The following CLTA variants were observed in gnomAD, a reference collection of about 807,000 sequenced individuals.
The protein encoded by CLTA is clathrin light chain A, also known as clathrin, light polypeptide (Lca).
A neutral mutation model predicts 26.9 loss-of-function variants in CLTA; 9 were observed. The ratio of observed to expected loss-of-function variants is 0.33; its 90% confidence interval spans 0.20 to 0.58. CLTA has a LOEUF of 0.58. Ranked by LOEUF, CLTA falls within the 20% of genes least tolerant of loss-of-function variation. CLTA has a pLI of 0.85. For synonymous variants in CLTA, 120 were observed against 115.5 expected (o/e 1.04, Z -0.25); for missense variants, 278 against 294.2 (o/e 0.94, Z 0.40).
At chr9:36,198,771 G>C (rs1170034619) in intron 2 of CLTA, among the ~76,000 whole-genome samples, 1 of 151,138 alleles carries the variant, frequency 6.6e-6, no homozygotes, top group Admixed American at 6.6e-5. Flanking sequence ...TACTCGGGAG[G>C]CTGAGGCAGG....
intron 3 of CLTA, among the ~76,000 whole-genome samples, chr9:36,203,275 T>G (rs1827526804): frequency 6.6e-6 from 1 of 152,244 alleles, no homozygotes; most frequent in Non-Finnish European, 1.5e-5. Context: ...GTATGCATTT[T>G]CTTGCTGTCA....
chr9:36,203,280 C>T (rs1827526982), intron 3 of CLTA, among the ~76,000 whole-genome samples: 1 of 152,154 alleles, frequency 6.6e-6, no homozygotes, highest in Non-Finnish European at 1.5e-5. Flanking sequence ...CATTTTCTTG[C>T]TGTCATTTCT....
chr9:36,191,287 C>G lies in CLTA; in HGVS notation c.217+14C>G. ...CGGGGGGTCCGGGTGAGAGTGCGGG[C>G]GCGTTTGGGGCGAGAGGACTTGTCT... On this transcript the variant is annotated intron_variant, in intron 1 of 4. Transcript: ENST00000345519. 2.0e-6 allele frequency: 3 copies of G among 1,503,860 alleles called. No homozygotes were observed. The highest frequency in any genetic ancestry group is 2.6e-6 in the Non-Finnish European group (3 of 1,134,000). The allele number at this position is 1,503,860 out of a possible 1,614,324, so 93.2% of individuals were successfully genotyped here.
chr9:36,190,988 G>T lies in CLTA; in HGVS notation c.-69G>T. On this transcript the variant is annotated 5_prime_UTR_variant, in exon 1 of 5. Coordinates refer to ENST00000345519, the MANE Select transcript of CLTA (RefSeq NM_001833.4). ...AGTCGGCACCACAGCGGTGGCTGCC[G>T]GGCGTGGTGTCGGTGGGTCGGTTGG... is the stretch of plus-strand genomic sequence containing the variant. 6.8e-7 allele frequency: 1 copy of T among 1,464,116 alleles called. No individual in the cohort carries two copies. The highest frequency in any genetic ancestry group is 1.4e-5 in the South Asian group (1 of 70,186). 90.7% of individuals were successfully genotyped at this position (1,464,116 alleles called of 1,614,324 possible).
chr9:36,207,263 C>A (rs970134542), intron 4 of CLTA, among the ~76,000 whole-genome samples: 1 of 152,222 alleles, frequency 6.6e-6, no homozygotes, highest in African/African-American at 2.4e-5. Context: ...TCAGTGACAG[C>A]CATGGAAAAG....
At chr9:36,191,463 T>C (rs1000188470) in intron 1 of CLTA, among the ~76,000 whole-genome samples, 190 bp downstream of exon 1, 2 of 152,200 alleles carry the variant, frequency 1.3e-5, no homozygotes, top group African/African-American at 4.8e-5. Flanking sequence ...GTTCTCAGCA[T>C]GTTTGAGTGC....
At chr9:36,200,109 A>G (rs1388487706) in intron 3 of CLTA, among the ~76,000 whole-genome samples, 1 of 152,184 alleles carries the variant, frequency 6.6e-6, no homozygotes, top group African/African-American at 2.4e-5. Flanking sequence ...TGATCAGGGG[A>G]GACTTGTGTC....
chr9:36,197,448 G>T, intron 1 of CLTA, 103 bp from the exon 2 acceptor site: 1 of 722,642 alleles, frequency 1.4e-6, no homozygotes, highest in Non-Finnish European at 2.4e-6. Flanking sequence ...GCATTTAGTA[G>T]CTCAAGGTTC....
chr9:36,195,607 T>C (rs1290254350), intron 1 of CLTA, among the ~76,000 whole-genome samples: 1 of 152,162 alleles, frequency 6.6e-6, no homozygotes, highest in African/African-American at 2.4e-5. Context: ...GCACTTGTGC[T>C]GCTAGTAGTA....
intron 4 of CLTA, among the ~76,000 whole-genome samples, chr9:36,208,897 A>G (rs1827876590): frequency 6.6e-6 from 1 of 152,218 alleles, no homozygotes; most frequent in South Asian, 2.1e-4. Context: ...TCATCTGTAC[A>G]GTGGGGGTGA....
At chr9:36,195,967 C>A (rs1827004084) in intron 1 of CLTA, among the ~76,000 whole-genome samples, 1 of 150,566 alleles carries the variant, frequency 6.6e-6, no homozygotes, top group South Asian at 2.1e-4. Context: ...GACTCCGTCT[C>A]AAAAAAAATA....
At chr9:36,191,358 G>C (rs1826705412) in intron 1 of CLTA, 85 bp downstream of exon 1, 1 of 1,382,720 alleles carries the variant, frequency 7.2e-7, no homozygotes, top group East Asian at 2.7e-5. Flanking sequence ...TGTGACTCGT[G>C]CTCCTTGCTG....
chr9:36,205,801 C>T (rs1827689597), intron 4 of CLTA, among the ~76,000 whole-genome samples: 1 of 141,606 alleles, frequency 7.1e-6, no homozygotes, highest in South Asian at 2.2e-4. Flanking sequence ...GCTCTGTTGC[C>T]CAGGCTGGAG....
At chr9:36,203,204 T>C (rs949247518) in intron 3 of CLTA, among the ~76,000 whole-genome samples, 4 of 152,156 alleles carry the variant, frequency 2.6e-5, no homozygotes, top group Non-Finnish European at 4.4e-5. Flanking sequence ...GAGAAAACCA[T>C]ATTTAGTCCT....
At chr9:36,208,684 T>C (rs1340925640) in intron 4 of CLTA, among the ~76,000 whole-genome samples, 1 of 152,224 alleles carries the variant, frequency 6.6e-6, no homozygotes, top group African/African-American at 2.4e-5. Flanking sequence ...CTAGCGCATC[T>C]GGTGTCTGGC....
At chr9:36,202,407 A>G (rs1025679939) in intron 3 of CLTA, among the ~76,000 whole-genome samples, 4 of 152,000 alleles carry the variant, frequency 2.6e-5, no homozygotes, top group African/African-American at 9.6e-5. Context: ...ACTGCTATCT[A>G]CTCTCCTTCT....
chr9:36,195,976 T>A (rs918178506), intron 1 of CLTA, among the ~76,000 whole-genome samples: 3 of 146,510 alleles, frequency 2.0e-5, no homozygotes, highest in Non-Finnish European at 3.0e-5. Flanking sequence ...TCAAAAAAAA[T>A]AAAAAAATAC....
At position 36,198,855 on chromosome 9, in the gene CLTA, A is replaced by G. The variant is rs534780139; in HGVS notation, c.256-124A>G. ...GCCACTGCACTCCAGCCTTGGCGAC[A>G]AGAGTGAAAACTCTGTCTCAAAAAA... On this transcript the variant is annotated intron_variant, in intron 2 of 4. Transcript: ENST00000345519. 8.9e-5 allele frequency: 52 copies of G among 586,832 alleles called. 1 individual carries two copies. The highest frequency in any genetic ancestry group is 8.1e-4 in the South Asian group (45 of 55,714). 36.4% of individuals were successfully genotyped at this position (586,832 alleles called of 1,614,324 possible). A position where few individuals can be genotyped will look rare whatever the true frequency, so the allele number is the denominator to read the frequency against.
At position 36,190,958 on chromosome 9, in the gene CLTA, C is replaced by G; in HGVS notation, c.-99C>G. On this transcript the variant is annotated 5_prime_UTR_variant, in exon 1 of 5. Coordinates refer to ENST00000345519, the MANE Select transcript of CLTA (RefSeq NM_001833.4). The stretch of plus-strand genomic sequence containing the variant: ...TCTCCCTCCTGGCGCTTGTCCTCCT[C>G]TCCCAGTCGGCACCACAGCGGTGGC... The G allele has an allele frequency of 6.9e-7, 1 of 1,442,680 alleles. No individual in the cohort carries two copies. Among genetic ancestry groups the G allele is most frequent in the Non-Finnish European group, 9.0e-7 (1 of 1,107,112 alleles). 89.4% of individuals were successfully genotyped at this position (1,442,680 alleles called of 1,614,324 possible).
Sources: gnomAD v4.1 joint callset for allele counts (sites outside exome capture counted in the v4.1 genomes callset) on GRCh38, gnomAD v4.1.1 for gene constraint, MANE v1.5 for transcripts, NCBI Gene and HGNC (gene_info 2026-07-23, HGNC 2026-07-21) for gene names.